Variants in NAGK observed in about 807,000 individuals in gnomAD.
NAGK encodes N-acetyl-D-glucosamine kinase.
A neutral mutation model predicts 42.9 loss-of-function variants in NAGK; 35 were observed. The ratio of observed to expected loss-of-function variants is 0.82; its 90% CI spans 0.62 to 1.08. The LOEUF (loss-of-function observed/expected upper bound fraction) is 1.08, where lower values mean the gene tolerates loss of function less well. Among genes scored for constraint, NAGK ranks in the 50% least tolerant of loss-of-function variants. The pLI is 0.00. For missense variants in NAGK, 446 were observed against 446.0 expected, an observed-to-expected ratio of 1.00 and a Z score of 0.00; for synonymous variants, 172 against 176.0, an observed-to-expected ratio of 0.98 and a Z score of 0.18.
upstream of NAGK, chr2:71,068,519 G>A (rs1213846780): frequency 7.6e-6 from 11 of 1,449,746 alleles, no homozygotes; most frequent in East Asian, 3.0e-5. Flanking sequence ...AGCCATCCCC[G>A]GCTCCTACCG....
chr2:71,073,653 A>C, intron 6 of NAGK, 59 bp downstream of exon 6: 1 of 1,370,272 alleles, frequency 7.3e-7, no homozygotes, highest in Admixed American at 1.7e-5. Context: ...AAACACTCCA[A>C]GTAAGAGTGG....
intron 9 of NAGK, 88 bp downstream of exon 9, chr2:71,077,724 AC>A (rs1391423922): frequency 1.4e-6 from 2 of 1,427,140 alleles, no homozygotes; most frequent in African/African-American, 2.8e-5. Flanking sequence ...CCCAGAGAGA[AC>A]CTGCTTCCTG....
Position 71,075,652 on chromosome 2 carries a change from G to T in NAGK, c.667+10G>T, listed in dbSNP as rs1208119055. ...CGGAAAATTGCAGAAGGTACTGGAG[G>T]TGGGGGGTGGGTTTTATCTGGCTTT... On this transcript the variant is annotated intron_variant, in intron 7 of 9. Coordinates refer to ENST00000244204, the MANE Select transcript of NAGK (RefSeq NM_017567.6). The T allele has an allele frequency of 6.2e-7, 1 of 1,605,970 alleles. No individual in the cohort carries two copies. The highest frequency in any genetic ancestry group is 1.1e-5 in the South Asian group (1 of 90,894).
upstream of NAGK, chr2:71,068,605 G>T (rs368700531): frequency 4.5e-5 from 68 of 1,525,090 alleles, no homozygotes; most frequent in African/African-American, 2.0e-4. Context: ...GTGGGGCGGT[G>T]CCCAGACAGC....
rs763645772 is a variant in NAGK, at chr2:71,077,577, T to C, written c.785T>C (p.Ile262Thr). 9.9e-6 allele frequency: 16 copies of C among 1,609,240 alleles called. No homozygotes were observed. The highest frequency in any genetic ancestry group is 1.3e-5 in the African/African-American group (1 of 74,778). ...ACCCAGGTCTTGTTCCAGGGCAAGA[T>C]TGGACTCCCCATCCTGTGCGTGGGC... is the stretch of plus-strand genomic sequence containing the variant. Reference protein sequence around the residue: ...EIDPVLFQGKIGLPILCVGSV... With the variant: ...EIDPVLFQGKTGLPILCVGSV... The change falls in exon 9 of 10, where the codon ATT becomes ACT. Residue 262 changes from isoleucine (I) to threonine (T), a missense_variant. Ile to Thr is a moderately conservative substitution (Grantham distance 89). Coordinates refer to ENST00000244204, the MANE Select transcript of NAGK (RefSeq NM_017567.6).
At chr2:71,077,377 T>G (rs899943931) in intron 8 of NAGK, among the ~76,000 whole-genome samples, 181 bp from the exon 9 acceptor site, 2 of 152,218 alleles carry the variant, frequency 1.3e-5, no homozygotes, top group African/African-American at 4.8e-5. Context: ...CTTCTCTCCT[T>G]GCCCTTTACA....
chr2:71,073,496 C>T lies in NAGK; in HGVS notation c.481C>T (p.His161Tyr). 1 of 1,614,016 alleles carries T rather than the reference C, an allele frequency of 6.2e-7. No homozygotes were observed. Among genetic ancestry groups the T allele is most frequent in the Non-Finnish European group, 8.5e-7 (1 of 1,179,872 alleles). ...GCTCCCTGCAGCCTACTGGATCGCA[C>T]ACCAAGCAGTGAAAATAGTGTTTGA... is the stretch of plus-strand genomic sequence containing the variant. ...GDEGSAYWIA[H>Y]QAVKIVFDSI... Residue 161 changes from histidine to tyrosine, a missense_variant, in exon 6 of 10, where the codon CAC becomes TAC. His to Tyr is a moderately conservative substitution (Grantham distance 83). Coordinates refer to ENST00000244204, the MANE Select transcript of NAGK (RefSeq NM_017567.6).
At chr2:71,068,524 C>T (rs921208448), upstream of NAGK, 6 of 1,456,218 alleles carry the variant, frequency 4.1e-6, no homozygotes, top group African/African-American at 1.5e-5. Flanking sequence ...TCCCCGGCTC[C>T]TACCGGCGCC....
chr2:71,078,606 A>G lies in NAGK; in HGVS notation c.*98A>G, dbSNP rs755268543. On this transcript the variant is annotated 3_prime_UTR_variant, in exon 10 of 10. Coordinates refer to ENST00000244204, the MANE Select transcript of NAGK (RefSeq NM_017567.6). ...CTTTCTCCTTTTTACAAAAACAAAC[A>G]TAGAAGAAAATAAATGCACTTTATC... The G allele has an allele frequency of 1.1e-5, 15 of 1,341,906 alleles. No homozygotes were observed. The highest frequency in any genetic ancestry group is 2.9e-5 in the Admixed American group (1 of 34,290). The allele number at this position is 1,341,906 out of a possible 1,614,324, so 83.1% of individuals were successfully genotyped here. A position where few individuals can be genotyped will look rare whatever the true frequency, so the allele number is the denominator to read the frequency against.
Position 71,073,501 on chromosome 2 carries a change from A to C in NAGK, c.486A>C (p.Gln162His). ...DEGSAYWIAH[Q>H]AVKIVFDSID... ...CTGCAGCCTACTGGATCGCACACCA[A>C]GCAGTGAAAATAGTGTTTGACTCCA... Residue 162 changes from glutamine (Q) to histidine (H), a missense_variant, in exon 6 of 10, where the codon CAA (glutamine) becomes CAC (histidine). Coordinates refer to ENST00000244204, the MANE Select transcript of NAGK (RefSeq NM_017567.6). 2 of 1,614,066 alleles carry C rather than the reference A, an allele frequency of 1.2e-6. No homozygotes were observed. The highest frequency in any genetic ancestry group is 2.2e-5 in the South Asian group (2 of 91,084).
chr2:71,078,204 C>A, intron 9 of NAGK, 114 bp from the exon 10 acceptor site: 2 of 1,044,422 alleles, frequency 1.9e-6, no homozygotes, highest in Non-Finnish European at 1.4e-6. Context: ...TAGGCCCCTC[C>A]AGCATCTCTA....
upstream of NAGK, chr2:71,068,485 G>T (rs1671862661): frequency 1.1e-5 from 15 of 1,419,724 alleles, no homozygotes; most frequent in Non-Finnish European, 1.4e-5. Flanking sequence ...GGAGACACCA[G>T]AAGGAAGACA....
At chr2:71,077,050 A>C (rs1672237191) in intron 8 of NAGK, among the ~76,000 whole-genome samples, 1 of 151,702 alleles carries the variant, frequency 6.6e-6, no homozygotes, top group Non-Finnish European at 1.5e-5. Flanking sequence ...TGCAGCCTCC[A>C]CCTCCCACTC....
Position 71,077,565 on chromosome 2 carries a change from T to TCCAC in NAGK, c.776_777insCCCA (p.Gln259HisfsTer75). On this transcript the variant is annotated frameshift_variant, in exon 9 of 10. Coordinates refer to ENST00000244204, the MANE Select transcript of NAGK (RefSeq NM_017567.6). LOFTEE classifies it high-confidence loss of function. ...TTTCTGCTCTCCACCCAGGTCTTGT[T>TCCAC]CCAGGGCAAGATTGGACTCCCCATC... The TCCAC allele has an allele frequency of 6.2e-7, 1 of 1,607,972 alleles. No individual in the cohort carries two copies. The highest frequency in any genetic ancestry group is 2.2e-5 in the East Asian group (1 of 44,600).
intron 4 of NAGK, chr2:71,072,371 G>A (rs547950822): frequency 6.8e-5 from 30 of 443,138 alleles, no homozygotes; most frequent in South Asian, 5.8e-4. Context: ...CTGGAAGACC[G>A]GCTGGGCAAG....
At chr2:71,068,414 C>T (rs780958058), upstream of NAGK, 10 of 1,269,120 alleles carry the variant, frequency 7.9e-6, no homozygotes, top group African/African-American at 6.4e-5. Flanking sequence ...GTGTCCATCT[C>T]TGGAAGCAGG....
chr2:71,075,696 G>C (rs935835162), intron 7 of NAGK, 54 bp downstream of exon 7: 1 of 1,519,002 alleles, frequency 6.6e-7, no homozygotes, highest in Non-Finnish European at 9.1e-7. Context: ...AAGATCCCCA[G>C]TTGGGAGATT....
In NAGK at chr2:71,077,650, G is replaced by A. The variant is rs1558731353; in HGVS notation, c.844+14G>A. ...TGCTGAAGGAAGGTGAGCCTGGGGG[G>A]AGGCTGGAAGGGCAAGGGCAGGGGA... On this transcript the variant is annotated intron_variant, in intron 9 of 9. Coordinates refer to ENST00000244204, the MANE Select transcript of NAGK (RefSeq NM_017567.6). 1.9e-6 allele frequency: 3 copies of A among 1,596,680 alleles called. No individual in the cohort carries two copies.
chr2:71,071,019 A>C, intron 3 of NAGK, 180 bp downstream of exon 3: 2 of 632,356 alleles, frequency 3.2e-6, no homozygotes, highest in Non-Finnish European at 5.6e-6. Context: ...CAAACTACAA[A>C]TGTGTTGGAA....
Sources: allele counts gnomAD v4.1 joint callset (sites outside exome capture counted in the v4.1 genomes callset), GRCh38; gene constraint gnomAD v4.1.1; transcripts MANE v1.5; gene names NCBI Gene and HGNC (gene_info 2026-07-23, HGNC 2026-07-21).